Variants in FRMPD4 observed in about 807,000 individuals in gnomAD.
The protein encoded by FRMPD4 is FERM and PDZ domain containing 4.
A neutral mutation model predicts 94.1 loss-of-function variants in FRMPD4; 22 were observed. The ratio of observed to expected loss-of-function variants is 0.23; its 90% CI spans 0.17 to 0.33. The LOEUF is 0.33. Among genes scored for constraint, FRMPD4 ranks in the 10% least tolerant of loss-of-function variants. The probability of loss-of-function intolerance (pLI) is 1.00; values close to 1 mark genes in which losing one functional copy is unlikely to be tolerated. For missense variants in FRMPD4, 1,111 were observed against 1,339.9 expected (o/e 0.83, Z 2.67); for synonymous variants, 631 against 548.6 (o/e 1.15, Z -2.10).
intron 1 of FRMPD4, among the ~76,000 whole-genome samples, chrX:12,327,945 C>T (rs1404002071): frequency 8.9e-6 from 1 of 111,924 alleles, no homozygotes; most frequent in Non-Finnish European, 1.9e-5. Flanking sequence ...TTGGCTCCTC[C>T]CATCAATAGT....
At chrX:12,672,106 T>C (rs777215392) in intron 4 of FRMPD4, among the ~76,000 whole-genome samples, 5 of 112,177 alleles carry the variant, frequency 4.5e-5, no homozygotes, top group Non-Finnish European at 9.4e-5. Context: ...CCTTCCAGAT[T>C]GAAATGAGGC....
At chrX:11,969,895 C>T (rs933368858) in intron 3 of FRMPD4, among the ~76,000 whole-genome samples, 7 of 111,271 alleles carry the variant, frequency 6.3e-5, no homozygotes, top group African/African-American at 2.3e-4. Flanking sequence ...CCACTCCCAC[C>T]AGCTCTCATG....
At chrX:12,027,059 T>C (rs981692693) in intron 3 of FRMPD4, among the ~76,000 whole-genome samples, 4 of 112,187 alleles carry the variant, frequency 3.6e-5, no homozygotes, top group Non-Finnish European at 5.6e-5. Context: ...CTTCTAGTGA[T>C]TGTCAACTCA....
At chrX:12,684,144 A>C (rs141487363) in intron 6 of FRMPD4, among the ~76,000 whole-genome samples, 3,276 of 112,168 alleles carry the variant, frequency 0.029, 119 homozygotes, top group African/African-American at 0.1. Context: ...GATAGAAATC[A>C]TGATTACTCA....
chrX:12,008,858 T>TA (rs1010647613), intron 3 of FRMPD4, among the ~76,000 whole-genome samples: 2 of 112,081 alleles, frequency 1.8e-5, no homozygotes, highest in African/African-American at 3.2e-5. Flanking sequence ...TGCTTTTTTT[T>TA]AAAAAAATGT....
At chrX:11,838,049 A>G (rs988773714) in intron 1 of FRMPD4, among the ~76,000 whole-genome samples, 3 of 111,628 alleles carry the variant, frequency 2.7e-5, no homozygotes, top group African/African-American at 9.8e-5. Context: ...GGATATTCAC[A>G]TATTTTTATA....
In FRMPD4 at chrX:12,684,187, A is replaced by C. The variant is rs370722789; in HGVS notation, c.573+600A>C. Among the ~76,000 whole-genome samples, 11 of 112,438 alleles carry C rather than the reference A, an allele frequency of 9.8e-5. No homozygotes were observed. The East Asian group carries it at 3.1e-3, about 31-fold the overall frequency. Reference sequence around the variant, plus strand: ...AACTGAACTTCAGAATGAATAATGCAACTATCAACAGGATGTTTTGACTTT... The same window carrying C: ...AACTGAACTTCAGAATGAATAATGCCACTATCAACAGGATGTTTTGACTTT... On this transcript the variant is annotated intron_variant, in intron 6 of 16. Coordinates refer to ENST00000675598, the MANE Select transcript of FRMPD4 (RefSeq NM_001368397.1).
At chrX:12,297,654 G>A (rs1461122266) in intron 1 of FRMPD4, among the ~76,000 whole-genome samples, 3 of 111,970 alleles carry the variant, frequency 2.7e-5, no homozygotes, top group African/African-American at 9.8e-5. Context: ...ACAGGGATTT[G>A]TAGAAGAGAA....
intron 3 of FRMPD4, among the ~76,000 whole-genome samples, chrX:12,029,860 A>C (rs1268691301): frequency 1.8e-5 from 2 of 111,523 alleles, no homozygotes; most frequent in Admixed American, 1.9e-4. Context: ...TCATAAAAAC[A>C]GGCCATGTTT....
intron 2 of FRMPD4, among the ~76,000 whole-genome samples, chrX:12,520,611 C>A (rs763808861): frequency 8.9e-6 from 1 of 111,868 alleles, no homozygotes; most frequent in South Asian, 3.8e-4. Context: ...TCTGTTTCAT[C>A]CCTCTGAGCT....
intron 2 of FRMPD4, among the ~76,000 whole-genome samples, chrX:12,541,560 T>G (rs2058412656): frequency 9.0e-6 from 1 of 111,482 alleles, no homozygotes; most frequent in African/African-American, 3.3e-5. Context: ...AATCCCTGAA[T>G]AGACCAATAA....
At chrX:12,655,149 C>A (rs1028033308) in intron 4 of FRMPD4, among the ~76,000 whole-genome samples, 1 of 112,399 alleles carries the variant, frequency 8.9e-6, no homozygotes, top group African/African-American at 3.2e-5. Context: ...TCTACCCACT[C>A]AGGCACAGGG....
At chrX:12,064,631 G>A (rs181183011) in intron 3 of FRMPD4, among the ~76,000 whole-genome samples, 1 of 111,832 alleles carries the variant, frequency 8.9e-6, no homozygotes, top group East Asian at 2.8e-4. Context: ...AAAGTGAGGT[G>A]CAGATGAGTA....
At chrX:12,380,803 C>T (rs756416827) in intron 1 of FRMPD4, among the ~76,000 whole-genome samples, 3 of 111,857 alleles carry the variant, frequency 2.7e-5, no homozygotes, top group African/African-American at 9.7e-5. Context: ...GTGAAGAGTC[C>T]GGAGTGGTTT....
chrX:12,063,424 G>C (rs1408486664), intron 3 of FRMPD4, among the ~76,000 whole-genome samples: 1 of 111,996 alleles, frequency 8.9e-6, no homozygotes, highest in Non-Finnish European at 1.9e-5. Flanking sequence ...TCCTATATTA[G>C]TTTTTCTTAA....
At position 12,724,304 on chromosome X, in the gene FRMPD4, C is replaced by A. The variant is rs1370709907; in HGVS notation, c.*2446C>A. On this transcript the variant is annotated 3_prime_UTR_variant, in exon 17 of 17. Coordinates refer to ENST00000675598, the MANE Select transcript of FRMPD4 (RefSeq NM_001368397.1). Reference sequence around the variant, plus strand: ...AGTTTCTGTTTCTTATAAATAAACTCTTTGCTATTCAGAAAACCTCAAGGG... The same window carrying A: ...AGTTTCTGTTTCTTATAAATAAACTATTTGCTATTCAGAAAACCTCAAGGG... The A allele has an allele frequency of 9.0e-6, 1 of 111,467 alleles. No individual in the cohort carries two copies. The highest frequency in any genetic ancestry group is 3.3e-5 in the African/African-American group (1 of 30,690). 9.2% of individuals were successfully genotyped at this position (111,467 alleles called of 1,213,427 possible).
At chrX:12,154,745 G>A (rs1293310889) in intron 1 of FRMPD4, among the ~76,000 whole-genome samples, 2 of 112,591 alleles carry the variant, frequency 1.8e-5, no homozygotes, top group Middle Eastern at 4.2e-3. Flanking sequence ...GATTAAAGGG[G>A]CTTAAACAAA....
At chrX:12,629,587 G>A (rs895162324) in intron 4 of FRMPD4, among the ~76,000 whole-genome samples, 3 of 112,371 alleles carry the variant, frequency 2.7e-5, no homozygotes, top group Non-Finnish European at 3.8e-5. Flanking sequence ...AGCTCTTAGC[G>A]GAGTAAGAGC....
At chrX:12,582,148 C>T (rs2058872536) in intron 2 of FRMPD4, among the ~76,000 whole-genome samples, 1 of 112,289 alleles carries the variant, frequency 8.9e-6, no homozygotes, top group African/African-American at 3.2e-5. Flanking sequence ...CTTCTTACAT[C>T]TAATTATACA....
Sources: allele counts gnomAD v4.1 joint callset (sites outside exome capture counted in the v4.1 genomes callset), GRCh38; gene constraint gnomAD v4.1.1; transcripts MANE v1.5; gene names NCBI Gene and HGNC (gene_info 2026-07-23, HGNC 2026-07-21).